The following TENM2 variants were observed in gnomAD, a reference collection of about 807,000 sequenced individuals.
TENM2 encodes teneurin-2.
In TENM2, 52 loss-of-function variants were observed where a neutral mutation model predicts 245.2. That is an observed-to-expected ratio of 0.21 (90% CI 0.17 to 0.27). The LOEUF (loss-of-function observed/expected upper bound fraction) is 0.27, where lower values mean the gene tolerates loss of function less well. Among genes scored for constraint, TENM2 ranks in the 10% least tolerant of loss-of-function variants. The pLI, the probability that TENM2 is intolerant of heterozygous loss-of-function variation, is 1.00. For missense variants in TENM2, 3,046 were observed against 3,666.8 expected, an observed-to-expected ratio of 0.83 and a Z score of 4.37; for synonymous variants, 1,363 against 1,438.9, an observed-to-expected ratio of 0.95 and a Z score of 1.19.
rs369031454 is a variant in TENM2, at chr5:168,247,401, C to G, written c.6462C>G (p.Phe2154Leu). 1.2e-6 allele frequency: 2 copies of G among 1,613,834 alleles called. No homozygotes were observed. Among genetic ancestry groups the G allele is most frequent in the African/African-American group, 2.7e-5 (2 of 74,902 alleles). The change falls in exon 27 of 29, where the codon TTC becomes TTG. Residue 2154 changes from phenylalanine to leucine, a missense_variant. Transcript: ENST00000518659. The surrounding 1 kb of genome is among the most constrained non-coding windows in gnomAD (Gnocchi z 7.8). ...CCGTGATGACCCTCAGCAAACACTT[C>G]GACACCCATGGGCGGATCAAGGAGG...
the TENM2 span, among the ~76,000 whole-genome samples, chr5:167,193,623 G>A: frequency 2.0e-5 from 3 of 151,956 alleles, no homozygotes; most frequent in African/African-American, 7.2e-5. Context: ...TGTAGGTGTA[G>A]ATTTAAATTT....
intron 16 of TENM2, 41 bp from the exon 19 acceptor site, chr5:168,199,823 G>A: frequency 8.2e-6 from 13 of 1,594,196 alleles, no homozygotes; most frequent in Non-Finnish European, 1.1e-5. Flanking sequence ...ACCTGCACAG[G>A]TGTGTTTTAG....
chr5:167,898,438 G>A (rs558344089), intron 3 of TENM2, among the ~76,000 whole-genome samples: 10 of 152,118 alleles, frequency 6.6e-5, no homozygotes, highest in Non-Finnish European at 1.5e-4. Flanking sequence ...GGCAGCCTAG[G>A]CCAGTCACTG....
intron 2 of TENM2, among the ~76,000 whole-genome samples, chr5:167,750,331 G>C (rs1398655749): frequency 6.6e-6 from 1 of 152,124 alleles, no homozygotes; most frequent in Non-Finnish European, 1.5e-5. Flanking sequence ...GGCGTTGACA[G>C]GGTAGGGAGT....
At chr5:167,968,261 G>C (rs2151911872) in intron 4 of TENM2, among the ~76,000 whole-genome samples, 1 of 152,270 alleles carries the variant, frequency 6.6e-6, no homozygotes, top group Non-Finnish European at 1.5e-5. Flanking sequence ...ATACTCCTTT[G>C]AGAGGTCATG....
chr5:167,400,079 A>G (rs577079186), intron 2 of TENM2, among the ~76,000 whole-genome samples: 60 of 152,302 alleles, frequency 3.9e-4, no homozygotes, highest in South Asian at 1.4e-3. Context: ...TGACTTTACC[A>G]TGGAAGCAAA....
chr5:168,136,833 G>A (rs1456370455), intron 12 of TENM2, among the ~76,000 whole-genome samples: 1 of 152,142 alleles, frequency 6.6e-6, no homozygotes, highest in Admixed American at 6.5e-5. Flanking sequence ...TAGATAAGCG[G>A]CTCTTAAAGA....
At chr5:167,493,026 A>C (rs986105558) in intron 2 of TENM2, among the ~76,000 whole-genome samples, 5 of 152,126 alleles carry the variant, frequency 3.3e-5, no homozygotes, top group Non-Finnish European at 7.4e-5. Flanking sequence ...TAGGTAAGGT[A>C]ATTGTTAGGA....
At chr5:168,166,112 G>A (rs1353817918) in intron 13 of TENM2, among the ~76,000 whole-genome samples, 1 of 152,148 alleles carries the variant, frequency 6.6e-6, no homozygotes, top group East Asian at 1.9e-4. Flanking sequence ...TTGGGGTGGG[G>A]ATGGGAGTTC....
At position 167,424,313 on chromosome 5, in the gene TENM2, C is replaced by T. The variant is rs1763686825; in HGVS notation, c.502+48840C>T. Among the ~76,000 whole-genome samples the T allele has an allele frequency of 2.0e-5, 3 of 152,148 alleles. No individual in the cohort carries two copies. The South Asian group carries it at 6.2e-4, about 32-fold the overall frequency. ...ATGAGTTAGATATATTCCAGCACCCCCCACCCCTATTCTGCACACACACAC... is the reference window on the plus strand; with the variant it reads ...ATGAGTTAGATATATTCCAGCACCCTCCACCCCTATTCTGCACACACACAC... On this transcript the variant is annotated intron_variant, in intron 2 of 28. Coordinates refer to ENST00000518659, the Ensembl canonical transcript of TENM2.
In TENM2 at chr5:168,017,622, T is replaced by C. The variant is rs577031273; in HGVS notation, c.1186+24440T>C. Among the ~76,000 whole-genome samples, 5 of 152,310 alleles carry C rather than the reference T, an allele frequency of 3.3e-5. No individual in the cohort carries two copies. In the South Asian group the frequency reaches 1.0e-3, roughly 32 times the overall value. On this transcript the variant is annotated intron_variant, in intron 5 of 28. Coordinates refer to ENST00000518659, the Ensembl canonical transcript of TENM2. ...TTGTACTGGGGAAAGAAAGAAGTAT[T>C]ACAAGGAAAGCAGGCTGCCCCGTTG...
intron 2 of TENM2, among the ~76,000 whole-genome samples, chr5:167,824,969 C>T (rs911435441): frequency 3.3e-5 from 5 of 152,196 alleles, no homozygotes; most frequent in East Asian, 1.9e-4. Flanking sequence ...CTACCACTAA[C>T]TTGCTTCTTA....
chr5:167,184,504 A>G, the TENM2 span, among the ~76,000 whole-genome samples: 1 of 152,150 alleles, frequency 6.6e-6, no homozygotes, highest in East Asian at 1.9e-4. Flanking sequence ...TTTCAACACT[A>G]TTTCAATATC....
At chr5:167,904,587 G>A (rs1775946975) in intron 3 of TENM2, among the ~76,000 whole-genome samples, 2 of 152,016 alleles carry the variant, frequency 1.3e-5, no homozygotes, top group African/African-American at 4.8e-5. Context: ...GCCCAGCCCC[G>A]CCCCACACAG....
At chr5:167,202,273 C>T in the TENM2 span, among the ~76,000 whole-genome samples, 1 of 152,150 alleles carries the variant, frequency 6.6e-6, no homozygotes, top group South Asian at 2.1e-4. Flanking sequence ...TCTCCTGCTG[C>T]ATCTCCCGGT....
intron 4 of TENM2, among the ~76,000 whole-genome samples, chr5:167,973,462 A>T (rs539953465): frequency 6.6e-6 from 1 of 152,224 alleles, no homozygotes; most frequent in Non-Finnish European, 1.5e-5. Context: ...TCGAAAAGAC[A>T]TGGCCCCTGA....
chr5:168,157,905 G>T (rs1757326818), intron 12 of TENM2, among the ~76,000 whole-genome samples: 1 of 152,060 alleles, frequency 6.6e-6, no homozygotes, highest in Non-Finnish European at 1.5e-5. Context: ...GTGGGTTGTT[G>T]TTTGTTGTTG....
intron 2 of TENM2, among the ~76,000 whole-genome samples, chr5:167,466,152 T>C (rs1766638148): frequency 2.0e-5 from 3 of 152,202 alleles, no homozygotes. Flanking sequence ...CCTACGAATA[T>C]GGTTTCCCTT....
At chr5:167,300,835 G>A (rs1447541415) in intron 1 of TENM2, among the ~76,000 whole-genome samples, 1 of 152,122 alleles carries the variant, frequency 6.6e-6, no homozygotes, top group Non-Finnish European at 1.5e-5. Flanking sequence ...AGTCAGGGAA[G>A]CCCATAACTT....
Sources: gnomAD v4.1 joint callset for allele counts (sites outside exome capture counted in the v4.1 genomes callset) on GRCh38, gnomAD v4.1.1 for gene constraint, Gnocchi (gnomAD v3.1) non-coding constraint, MANE v1.5 for transcripts, NCBI Gene and HGNC (gene_info 2026-07-23, HGNC 2026-07-21) for gene names.